The following DTNA variants were observed in gnomAD, a reference collection of about 807,000 sequenced individuals.
DTNA encodes the protein dystrophin-related protein 3.
A neutral mutation model predicts 100.7 loss-of-function variants in DTNA; 43 were observed. That is an observed-to-expected ratio of 0.43 (90% CI 0.33 to 0.55). DTNA has a LOEUF of 0.55. Ranked by LOEUF, DTNA falls within the 20% of genes least tolerant of loss-of-function variation. The probability of loss-of-function intolerance (pLI) is 0.04; values close to 1 mark genes in which losing one functional copy is unlikely to be tolerated. For missense variants in DTNA, 798 were observed against 953.9 expected (o/e 0.84, Z 2.15); for synonymous variants, 349 against 347.9 (o/e 1.00, Z -0.04).
intron 1 of DTNA, among the ~76,000 whole-genome samples, chr18:34,714,004 G>A (rs2083429657): frequency 6.6e-6 from 1 of 151,808 alleles, no homozygotes; most frequent in Admixed American, 6.6e-5. Flanking sequence ...TTTAATAAAT[G>A]GTGCTGGGAA....
chr18:34,813,841 C>CA (rs34385959), intron 6 of DTNA, among the ~76,000 whole-genome samples: 874 of 71,074 alleles, frequency 0.012, 7 homozygotes, highest in East Asian at 0.024. Flanking sequence ...GACTCCATCT[C>CA]AAAAAAAAAA....
chr18:34,889,998 G>A lies in DTNA; in HGVS notation c.*2264G>A, dbSNP rs1008323152. On this transcript the variant is annotated 3_prime_UTR_variant, in exon 23 of 23. Transcript: ENST00000444659. The stretch of plus-strand genomic sequence containing the variant: ...CCACTACATCCCAGCTACCTATAAT[G>A]CTGTCAGCTCAAAATCATAGCCAGG... 50 of 1,199,754 alleles carry A rather than the reference G, an allele frequency of 4.2e-5. No individual in the cohort carries two copies. The highest frequency in any genetic ancestry group is 5.1e-5 in the Non-Finnish European group (49 of 962,480). The allele number at this position is 1,199,754 out of a possible 1,614,324, so 74.3% of individuals were successfully genotyped here.
chr18:34,806,193 GT>G (rs751014169), intron 4 of DTNA, 25 bp from the exon 5 acceptor site: 19 of 1,600,218 alleles, frequency 1.2e-5, no homozygotes, highest in Non-Finnish European at 1.5e-5. Context: ...TTTTGTTTTT[GT>G]TTTTTTTCTA....
At chr18:34,598,313 A>C (rs2051062792) in intron 1 of DTNA, among the ~76,000 whole-genome samples, 1 of 151,890 alleles carries the variant, frequency 6.6e-6, no homozygotes, top group South Asian at 2.1e-4. Flanking sequence ...ATTATCAGAG[A>C]GATTCATAAT....
At chr18:34,849,590 G>C in intron 14 of DTNA, among the ~76,000 whole-genome samples, 1 of 152,294 alleles carries the variant, frequency 6.6e-6, no homozygotes, top group East Asian at 1.9e-4. Context: ...GCATAAACCA[G>C]CAATTACAAA....
intron 1 of DTNA, among the ~76,000 whole-genome samples, chr18:34,640,607 G>T (rs1345943243): frequency 6.6e-6 from 1 of 152,208 alleles, no homozygotes; most frequent in Non-Finnish European, 1.5e-5. Flanking sequence ...GCTAGGTACA[G>T]ATACCCCTTG....
intron 9 of DTNA, among the ~76,000 whole-genome samples, chr18:34,823,013 AT>A (rs1286500980): frequency 6.6e-6 from 1 of 152,214 alleles, no homozygotes; most frequent in South Asian, 2.1e-4. Context: ...GACATTCTGG[AT>A]GTAGAATGTT....
intron 1 of DTNA, among the ~76,000 whole-genome samples, chr18:34,642,423 A>G (rs1270347860): frequency 2.0e-5 from 3 of 152,056 alleles, no homozygotes. Flanking sequence ...TTACTACCCA[A>G]TCTTACTACC....
At chr18:34,734,290 A>G (rs1261593269) in intron 1 of DTNA, among the ~76,000 whole-genome samples, 1 of 152,132 alleles carries the variant, frequency 6.6e-6, no homozygotes, top group Admixed American at 6.5e-5. Context: ...TGATGGCAGT[A>G]TGGGTCAGGG....
chr18:34,870,928 A>T (rs991057184), intron 17 of DTNA, among the ~76,000 whole-genome samples: 1 of 152,218 alleles, frequency 6.6e-6, no homozygotes, highest in African/African-American at 2.4e-5. Context: ...AACACTCTAT[A>T]CACAATGAGC....
At chr18:34,670,530 G>A (rs1247039032) in intron 1 of DTNA, among the ~76,000 whole-genome samples, 1 of 152,152 alleles carries the variant, frequency 6.6e-6, no homozygotes, top group African/African-American at 2.4e-5. Flanking sequence ...TTTCTGTTCT[G>A]TTTTTTCCCC....
chr18:34,626,982 C>T (rs2057405966), intron 1 of DTNA, among the ~76,000 whole-genome samples: 1 of 152,178 alleles, frequency 6.6e-6, no homozygotes. Context: ...AGTCACATTA[C>T]CAGCTGGGCT....
chr18:34,670,702 G>T (rs929560511), intron 1 of DTNA, among the ~76,000 whole-genome samples: 2 of 152,176 alleles, frequency 1.3e-5, no homozygotes, highest in African/African-American at 4.8e-5. Context: ...GACCCTTTTG[G>T]CCTGGGTATC....
chr18:34,884,772 C>T lies in DTNA; in HGVS notation c.*27C>T, dbSNP rs1409272834. 16 of 1,614,096 alleles carry T rather than the reference C, an allele frequency of 9.9e-6. No homozygotes were observed. Among genetic ancestry groups the T allele is most frequent in the Non-Finnish European group, 1.3e-5 (15 of 1,179,932 alleles). On this transcript the variant is annotated 3_prime_UTR_variant, in exon 22 of 23. Coordinates refer to ENST00000444659, the MANE Select transcript of DTNA (RefSeq NM_001386795.1). Reference sequence around the variant, plus strand: ...TGCAATATCCTTTTATCACACTCCTCTCAAGTAAGTACCATCTTATTTAGG... The same window carrying T: ...TGCAATATCCTTTTATCACACTCCTTTCAAGTAAGTACCATCTTATTTAGG...
chr18:34,690,153 C>T (rs563501259), intron 1 of DTNA, among the ~76,000 whole-genome samples: 71 of 152,280 alleles, frequency 4.7e-4, no homozygotes, highest in African/African-American at 1.6e-3. Context: ...GGGGAGTGAA[C>T]GGCTCTGTCT....
intron 4 of DTNA, among the ~76,000 whole-genome samples, chr18:34,798,124 C>G (rs1246685421): frequency 6.6e-6 from 1 of 152,030 alleles, no homozygotes; most frequent in African/African-American, 2.4e-5. Context: ...CTCAGCCTCC[C>G]GAGTAGCTGG....
chr18:34,820,866 C>A lies in DTNA; in HGVS notation c.952C>A (p.Pro318Thr). ...TGCTTCCAGCCGTGAACCTTTGCAC[C>A]CCATGTTCCCAGATCAGCCTGAGAA... ...SCASSREPLH[P>T]MFPDQPEKPL... The change falls in exon 9 of 23, where the codon CCC (proline) becomes ACC (threonine). Residue 318 changes from proline to threonine, a missense_variant. Coordinates refer to ENST00000444659, the MANE Select transcript of DTNA (RefSeq NM_001386795.1). The A allele has an allele frequency of 6.2e-7, 1 of 1,614,092 alleles. No homozygotes were observed. The highest frequency in any genetic ancestry group is 8.5e-7 in the Non-Finnish European group (1 of 1,180,004).
At chr18:34,720,682 G>A (rs1252196231) in intron 1 of DTNA, among the ~76,000 whole-genome samples, 3 of 152,120 alleles carry the variant, frequency 2.0e-5, no homozygotes, top group Non-Finnish European at 4.4e-5. Flanking sequence ...AGTGTGCCAG[G>A]CCGACCACCC....
At chr18:34,867,998 C>G in intron 17 of DTNA, 6 of 985,226 alleles carry the variant, frequency 6.1e-6, no homozygotes, top group Non-Finnish European at 7.2e-6. Flanking sequence ...ATACACAAGC[C>G]TCTTTTCAAA....
Sources: gnomAD v4.1 joint callset for allele counts (sites outside exome capture counted in the v4.1 genomes callset) on GRCh38, gnomAD v4.1.1 for gene constraint, MANE v1.5 for transcripts, NCBI Gene and HGNC (gene_info 2026-07-23, HGNC 2026-07-21) for gene names.